IFT80: variants seen among roughly 807,000 people sequenced by gnomAD.
IFT80 encodes intraflagellar transport protein 80 homolog.
IFT80 carries 79 observed loss-of-function variants against 107.9 expected under a neutral mutation model. The observed-to-expected ratio is 0.73, with a 90% CI of 0.61 to 0.88. IFT80 has a LOEUF of 0.88. Ranked by LOEUF, IFT80 falls within the 40% of genes least tolerant of loss-of-function variation. The pLI is 0.00. For synonymous variants in IFT80, 299 were observed against 300.9 expected (o/e 0.99, Z 0.07); for missense variants, 797 against 914.2 (o/e 0.87, Z 1.65).
chr3:160,261,074 C>T (rs1354418295), intron 19 of IFT80, among the ~76,000 whole-genome samples: 1 of 152,176 alleles, frequency 6.6e-6, no homozygotes, highest in Non-Finnish European at 1.5e-5. Flanking sequence ...TTATTCCTCA[C>T]ACATTAAATG....
chr3:160,327,276 A>G (rs1718739316), intron 8 of IFT80, among the ~76,000 whole-genome samples: 1 of 152,190 alleles, frequency 6.6e-6, no homozygotes, highest in African/African-American at 2.4e-5. Flanking sequence ...ATTAAATGCT[A>G]TTCCCATTAA....
chr3:160,355,999 C>A lies in IFT80; in HGVS notation c.777+14G>T. Reference sequence around the variant, plus strand: ...ATGACAGCACATCTGTGATTGCTCACCACTATAACTTACCCCAGTTTTATC... The same window carrying A: ...ATGACAGCACATCTGTGATTGCTCAACACTATAACTTACCCCAGTTTTATC... On this transcript the variant is annotated intron_variant, in intron 8 of 19. Coordinates refer to ENST00000326448, the MANE Select transcript of IFT80 (RefSeq NM_020800.3). The A allele has an allele frequency of 1.2e-6, 2 of 1,613,744 alleles. No individual in the cohort carries two copies. Among genetic ancestry groups the A allele is most frequent in the Non-Finnish European group, 8.5e-7 (1 of 1,179,762 alleles).
chr3:160,289,362 G>A (rs959718451), intron 12 of IFT80, among the ~76,000 whole-genome samples: 2 of 152,188 alleles, frequency 1.3e-5, no homozygotes, highest in African/African-American at 4.8e-5. Context: ...ACTAGGCTTA[G>A]TAACTAGGTG....
At chr3:160,303,491 A>G (rs1716592584) in intron 11 of IFT80, among the ~76,000 whole-genome samples, 1 of 152,234 alleles carries the variant, frequency 6.6e-6, no homozygotes, top group African/African-American at 2.4e-5. Flanking sequence ...AGCAGAAAAG[A>G]ACAGAATAGA....
intron 5 of IFT80, among the ~76,000 whole-genome samples, chr3:160,374,313 G>A (rs768581235): frequency 2.0e-5 from 3 of 151,834 alleles, no homozygotes; most frequent in Non-Finnish European, 4.4e-5. Flanking sequence ...GGAAGCTGAG[G>A]TGGCAAGATC....
chr3:160,287,830 T>C (rs1715209429), intron 12 of IFT80, among the ~76,000 whole-genome samples: 1 of 152,192 alleles, frequency 6.6e-6, no homozygotes, highest in Non-Finnish European at 1.5e-5. Flanking sequence ...GCCTCTAGTC[T>C]CAGGGCCCCT....
At chr3:160,288,469 A>G (rs1055175737) in intron 12 of IFT80, among the ~76,000 whole-genome samples, 1 of 152,258 alleles carries the variant, frequency 6.6e-6, no homozygotes, top group Non-Finnish European at 1.5e-5. Flanking sequence ...CAATCGCAAC[A>G]AAAGCAAAAA....
At chr3:160,313,583 C>A (rs1717570641) in intron 9 of IFT80, among the ~76,000 whole-genome samples, 1 of 151,602 alleles carries the variant, frequency 6.6e-6, no homozygotes, top group Admixed American at 6.6e-5. Flanking sequence ...ATGGCAAATT[C>A]CACATCAGAA....
At chr3:160,332,434 G>C (rs1719156904) in intron 8 of IFT80, among the ~76,000 whole-genome samples, 1 of 152,188 alleles carries the variant, frequency 6.6e-6, no homozygotes, top group African/African-American at 2.4e-5. Context: ...GCAACCCCTA[G>C]TGGGGTTGTT....
chr3:160,357,126 G>A (rs543081920), intron 7 of IFT80, among the ~76,000 whole-genome samples: 1 of 152,086 alleles, frequency 6.6e-6, no homozygotes. Flanking sequence ...CTGAGAGAGG[G>A]TCTCACTTTG....
Position 160,257,989 on chromosome 3 carries a change from T to C in IFT80, c.*536A>G, listed in dbSNP as rs1357815515. Reference sequence around the variant, plus strand: ...GTATGTATTATAGCACATTTGTTTATCCATTCATGATAGACACTTGAGCTG... The same window carrying C: ...GTATGTATTATAGCACATTTGTTTACCCATTCATGATAGACACTTGAGCTG... On this transcript the variant is annotated 3_prime_UTR_variant, in exon 20 of 20. Transcript: ENST00000326448. 1 of 160,462 alleles carries C rather than the reference T, an allele frequency of 6.2e-6. No homozygotes were observed. The highest frequency in any genetic ancestry group is 1.8e-4 in the South Asian group (1 of 5,682). The allele number at this position is 160,462 out of a possible 1,614,324, so 9.9% of individuals were successfully genotyped here.
chr3:160,309,511 C>A (rs1048744204), intron 9 of IFT80, among the ~76,000 whole-genome samples: 1 of 152,114 alleles, frequency 6.6e-6, no homozygotes, highest in Non-Finnish European at 1.5e-5. Context: ...TGCGGTGAAA[C>A]CCTGTCTCTA....
chr3:160,321,533 GAA>G (rs1718217343), intron 8 of IFT80, among the ~76,000 whole-genome samples: 3 of 151,882 alleles, frequency 2.0e-5, no homozygotes, highest in Admixed American at 1.3e-4. Context: ...GTGGAAGCCT[GAA>G]ACTATAGAAG....
chr3:160,364,159 A>G (rs1006799183), intron 6 of IFT80, among the ~76,000 whole-genome samples: 3 of 152,228 alleles, frequency 2.0e-5, no homozygotes, highest in Non-Finnish European at 4.4e-5. Flanking sequence ...CAAATTTATA[A>G]GAAAAAAACA....
chr3:160,291,033 TTACTC>T (rs1166801724), intron 12 of IFT80, among the ~76,000 whole-genome samples: 1 of 152,172 alleles, frequency 6.6e-6, no homozygotes, highest in African/African-American at 2.4e-5. Flanking sequence ...ATCAATAAGA[TTACTC>T]TAGTTCAACA....
intron 3 of IFT80, among the ~76,000 whole-genome samples, chr3:160,380,750 G>A (rs779099536): frequency 6.6e-6 from 1 of 151,752 alleles, no homozygotes; most frequent in Admixed American, 6.6e-5. Flanking sequence ...AGAAAGCTGC[G>A]GTCAAATTAT....
rs115346940 is a variant in IFT80, at chr3:160,380,094, G to A, written c.259+1409C>T. On this transcript the variant is annotated intron_variant, in intron 3 of 19. Transcript: ENST00000326448. ...TGTGCCCAGGATAGAGTGCAATGGCGCAATCTCAGCTCACTGAAACCTCTG... is the reference window on the plus strand; with the variant it reads ...TGTGCCCAGGATAGAGTGCAATGGCACAATCTCAGCTCACTGAAACCTCTG... Among the ~76,000 whole-genome samples, 476 of 149,484 alleles carry A rather than the reference G, an allele frequency of 3.2e-3. 5 individuals carry two copies. The highest frequency in any genetic ancestry group is 0.011 in the African/African-American group (458 of 40,580).
chr3:160,262,998 TA>T (rs890356657), intron 19 of IFT80, among the ~76,000 whole-genome samples: 31 of 152,344 alleles, frequency 2.0e-4, no homozygotes, highest in African/African-American at 7.5e-4. Flanking sequence ...TTCATATTTA[TA>T]TTTCTAATTG....
chr3:160,339,929 TG>T (rs777433951), intron 8 of IFT80, among the ~76,000 whole-genome samples: 6 of 152,208 alleles, frequency 3.9e-5, no homozygotes, highest in Non-Finnish European at 7.3e-5. Context: ...CTGACCAATT[TG>T]GTTTTTAGCT....
Sources: allele counts gnomAD v4.1 joint callset (sites outside exome capture counted in the v4.1 genomes callset), GRCh38; gene constraint gnomAD v4.1.1; transcripts MANE v1.5; gene names NCBI Gene and HGNC (gene_info 2026-07-23, HGNC 2026-07-21).